Variants in ERVW-1 observed in about 807,000 individuals in gnomAD.
ERVW-1 encodes the protein endogenous retrovirus group W member 1, envelope.
In ERVW-1, 21 loss-of-function variants were observed where a neutral mutation model predicts 16.6. That is an observed-to-expected ratio of 1.26 (90% confidence interval 0.90 to 1.82). The LOEUF is 1.82. Among genes scored for constraint, ERVW-1 ranks in the 40% most tolerant of loss-of-function variants. The pLI is 0.00. For missense variants in ERVW-1, 412 were observed against 300.2 expected (o/e 1.37, Z -2.75); for synonymous variants, 161 against 109.8 (o/e 1.47, Z -2.92).
intron 1 of ERVW-1, among the ~76,000 whole-genome samples, chr7:92,476,709 T>C (rs561665545): frequency 3.9e-4 from 60 of 152,124 alleles, no homozygotes; most frequent in African/African-American, 1.4e-3. Flanking sequence ...TCTGTCTCTC[T>C]TTTCCCTCAG....
chr7:92,471,857 A>G (rs1790364432), intron 1 of ERVW-1: 2 of 152,192 alleles, frequency 1.3e-5, no homozygotes, highest in African/African-American at 4.8e-5. Context: ...GGACTAGGTA[A>G]GCATATTTAG....
rs762684301 is a variant in ERVW-1 at position 92,469,548 on chromosome 7, A to G, written c.834T>C (p.Arg278=). Residue 278 remains arginine (R), a synonymous_variant, in exon 2 of 2, where the codon CGT becomes CGC. Transcript: ENST00000603053. ...IFFVCGTSAY[R]CLNGSSESMC... ...TAGATTCTGAAGAGCCATTCAAACA[A>G]CGATAGGCTGAGGTACCACAGACAA... 8 of 765,998 alleles carry G rather than the reference A, an allele frequency of 1.0e-5. No individual in the cohort carries two copies. Among genetic ancestry groups the G allele is most frequent in the South Asian group, 9.4e-5 (7 of 74,496 alleles). 47.5% of individuals were successfully genotyped at this position (765,998 alleles called of 1,614,324 possible). A position where few individuals can be genotyped will look rare whatever the true frequency, so the allele number is the denominator to read the frequency against.
At chr7:92,472,614 T>C (rs1446717838) in intron 1 of ERVW-1, 3 of 152,250 alleles carry the variant, frequency 2.0e-5, no homozygotes, top group Non-Finnish European at 4.4e-5. Flanking sequence ...TAAATGGGTA[T>C]TGGCTTTCTG....
chr7:92,474,308 T>TA (rs1181860095), intron 1 of ERVW-1, among the ~76,000 whole-genome samples: 4 of 152,192 alleles, frequency 2.6e-5, no homozygotes, highest in Admixed American at 6.5e-5. Flanking sequence ...GTGATAAACT[T>TA]ACGCTTTAAG....
rs750124319 is a variant in ERVW-1, at chr7:92,470,232, T to TG, written c.149dup (p.Ser51IlefsTer3). 1 of 778,674 alleles carries TG rather than the reference T, an allele frequency of 1.3e-6. No homozygotes were observed. Among genetic ancestry groups the TG allele is most frequent in the South Asian group, 1.3e-5 (1 of 74,492 alleles). The allele number at this position is 778,674 out of a possible 1,614,324, so 48.2% of individuals were successfully genotyped here. A position where few individuals can be genotyped will look rare whatever the true frequency, so the allele number is the denominator to read the frequency against. On this transcript the variant is annotated frameshift_variant, in exon 2 of 2. Coordinates refer to ENST00000603053, the MANE Select transcript of ERVW-1 (RefSeq NM_001130925.2). LOFTEE classifies it high-confidence loss of function. The stretch of plus-strand genomic sequence containing the variant: ...TTCCCTTAGAAAGACTCCTATACGA[T>TG]GGGGCATCAATATTTCCGGGACGCT...
chr7:92,476,428 G>A (rs1158608091), intron 1 of ERVW-1, among the ~76,000 whole-genome samples: 1 of 152,186 alleles, frequency 6.6e-6, no homozygotes, highest in Admixed American at 6.5e-5. Context: ...TGGCCTCAGT[G>A]CTTTCGGCCT....
At chr7:92,477,360 A>G (rs899221604) in intron 1 of ERVW-1, 22 bp downstream of exon 1, 1 of 152,266 alleles carries the variant, frequency 6.6e-6, no homozygotes, top group African/African-American at 2.4e-5. Flanking sequence ...ATAGCAAGTG[A>G]AAGTGGTCCA....
rs546095222 is a variant in ERVW-1, at chr7:92,470,106, A to T, written c.276T>A (p.Ile92=). ...CAAGTCCTCCAGGACAACTAGGATT[A>T]ATCATTTTTCCTGTCCAATAATGAG... is the stretch of plus-strand genomic sequence containing the variant. ...ANTHYWTGKM[I]NPSCPGGLGV... The change falls in exon 2 of 2, where the codon ATT becomes ATA. Residue 92 remains isoleucine, a synonymous_variant. Transcript: ENST00000603053. 285 of 778,842 alleles carry T rather than the reference A, an allele frequency of 3.7e-4. 1 individual carries two copies. The East Asian group carries it at 6.8e-3, about 19-fold the overall frequency. 48.2% of individuals were successfully genotyped at this position (778,842 alleles called of 1,614,324 possible).
chr7:92,473,608 AGG>A (rs1790431400), intron 1 of ERVW-1, among the ~76,000 whole-genome samples: 1 of 151,864 alleles, frequency 6.6e-6, no homozygotes, highest in African/African-American at 2.4e-5. Context: ...CTCCCTAACA[AGG>A]TAGTGGGGCT....
intron 1 of ERVW-1, chr7:92,475,100 A>G (rs901259924): frequency 1.3e-5 from 2 of 152,054 alleles, no homozygotes; most frequent in African/African-American, 4.8e-5. Flanking sequence ...GAAAGTTTGT[A>G]CTTATGGCAC....
intron 1 of ERVW-1, chr7:92,472,667 A>G (rs1285068357): frequency 2.0e-5 from 3 of 152,258 alleles, no homozygotes; most frequent in Non-Finnish European, 4.4e-5. Flanking sequence ...CTATTTCGCC[A>G]TACCTGGGAA....
rs1302721199 is a variant in ERVW-1 at position 92,477,745 on chromosome 7, C to T, written c.-591G>A. 3.4e-5 allele frequency: 6 copies of T among 178,200 alleles called. No homozygotes were observed. Among genetic ancestry groups the T allele is most frequent in the East Asian group, 1.6e-4 (1 of 6,202 alleles). 11.0% of individuals were successfully genotyped at this position (178,200 alleles called of 1,614,324 possible). On this transcript the variant is annotated 5_prime_UTR_variant, in exon 1 of 2. Coordinates refer to ENST00000603053, the MANE Select transcript of ERVW-1 (RefSeq NM_001130925.2). ...GCGCCTCGCTGGATCAGGAGCACAG[C>T]GGACACCCTGCAGGATCCAGAGGGA...
Position 92,477,678 on chromosome 7 carries a change from G to C in ERVW-1, c.-524C>G, listed in dbSNP as rs1199033749. 1 of 164,382 alleles carries C rather than the reference G, an allele frequency of 6.1e-6. No homozygotes were observed. The highest frequency in any genetic ancestry group is 1.3e-5 in the Non-Finnish European group (1 of 77,914). The allele number at this position is 164,382 out of a possible 1,614,324, so 10.2% of individuals were successfully genotyped here. A position where few individuals can be genotyped will look rare whatever the true frequency, so the allele number is the denominator to read the frequency against. Reference sequence around the variant, plus strand: ...ACAAACCCAGGCACTTAGCCGTGCAGGAACAATGGCAAGCCTTTAGCCCAA... The same window carrying C: ...ACAAACCCAGGCACTTAGCCGTGCACGAACAATGGCAAGCCTTTAGCCCAA... On this transcript the variant is annotated 5_prime_UTR_variant, in exon 1 of 2. Coordinates refer to ENST00000603053, the MANE Select transcript of ERVW-1 (RefSeq NM_001130925.2).
At chr7:92,474,265 T>C (rs1023939112) in intron 1 of ERVW-1, among the ~76,000 whole-genome samples, 1 of 152,180 alleles carries the variant, frequency 6.6e-6, no homozygotes, top group African/African-American at 2.4e-5. Flanking sequence ...GGCAGACTTT[T>C]GAAGTTTTTT....
At chr7:92,476,553 C>G (rs562875138) in intron 1 of ERVW-1, among the ~76,000 whole-genome samples, 188 of 152,260 alleles carry the variant, frequency 1.2e-3, no homozygotes, top group African/African-American at 4.2e-3. Flanking sequence ...AGGAATAGGG[C>G]ACACTGTTTT....
At position 92,469,021 on chromosome 7, in the gene ERVW-1, G is replaced by C; in HGVS notation, c.1361C>G (p.Pro454Arg). ...WMPWILPFLG[P>R]LAAIILLLLF... The stretch of plus-strand genomic sequence containing the variant: ...GAGTAGCAATATTATAGCTGCTAGA[G>C]GTCCTAAGAAGGGGAGAATCCAGGG... The change falls in exon 2 of 2, where the codon CCT becomes CGT. Residue 454 changes from proline (P) to arginine (R), a missense_variant. Physicochemically the swap from Pro to Arg is moderately radical, Grantham distance 103. Coordinates refer to ENST00000603053, the MANE Select transcript of ERVW-1 (RefSeq NM_001130925.2). 1.4e-6 allele frequency: 1 copy of C among 727,520 alleles called. No homozygotes were observed. Among genetic ancestry groups the C allele is most frequent in the Non-Finnish European group, 2.5e-6 (1 of 399,184 alleles). 45.1% of individuals were successfully genotyped at this position (727,520 alleles called of 1,614,324 possible). A position where few individuals can be genotyped will look rare whatever the true frequency, so the allele number is the denominator to read the frequency against.
At chr7:92,474,681 T>C (rs1314940231) in intron 1 of ERVW-1, 5 of 152,250 alleles carry the variant, frequency 3.3e-5, no homozygotes, top group Non-Finnish European at 2.9e-5. Flanking sequence ...TTCTCTCATT[T>C]GGGGTTAGTG....
Position 92,468,883 on chromosome 7 carries a change from C to T in ERVW-1, c.1499G>A (p.Arg500Lys), listed in dbSNP as rs1790194807. 1.3e-6 allele frequency: 1 copy of T among 764,280 alleles called. No homozygotes were observed. Among genetic ancestry groups the T allele is most frequent in the Admixed American group, 1.7e-5 (1 of 59,030 alleles). 47.3% of individuals were successfully genotyped at this position (764,280 alleles called of 1,614,324 possible). A position where few individuals can be genotyped will look rare whatever the true frequency, so the allele number is the denominator to read the frequency against. The change falls in exon 2 of 2, where the codon AGA becomes AAA. Residue 500 changes from arginine (R) to lysine (K), a missense_variant. By Grantham distance (26) the Arg-to-Lys change is conservative. Transcript: ENST00000603053. ...TGGGCTAGCAGGCCGGTCCAGGGGT[C>T]TGCGGTAGATCTTAGTCTTGGACTG... ...KMQSKTKIYR[R>K]PLDRPASPRS... is the part of the protein sequence containing the mutation.
intron 1 of ERVW-1, chr7:92,472,418 A>G (rs1790384509): frequency 6.6e-6 from 1 of 152,246 alleles, no homozygotes; most frequent in South Asian, 2.1e-4. Flanking sequence ...TTGCCACTAC[A>G]TCAATTTCCT....
Sources: allele counts gnomAD v4.1 joint callset (sites outside exome capture counted in the v4.1 genomes callset), GRCh38; gene constraint gnomAD v4.1.1; transcripts MANE v1.5; gene names NCBI Gene and HGNC (gene_info 2026-07-23, HGNC 2026-07-21).